GLB1: variants seen among roughly 807,000 people sequenced by gnomAD.
GLB1 encodes galactosidase beta 1.
GLB1 carries 56 observed loss-of-function variants against 74.0 expected under a neutral mutation model. The ratio of observed to expected loss-of-function variants is 0.76; its 90% CI spans 0.61 to 0.94. The LOEUF (loss-of-function observed/expected upper bound fraction) is 0.94, where lower values mean the gene tolerates loss of function less well. Ranked by LOEUF, GLB1 falls within the 40% of genes least tolerant of loss-of-function variation. The pLI is 0.00. For missense variants in GLB1, 787 were observed against 845.5 expected (o/e 0.93, Z 0.86); for synonymous variants, 323 against 323.6 (o/e 1.00, Z 0.02).
the GLB1 span, among the ~76,000 whole-genome samples, chr3:32,975,355 G>C: frequency 6.6e-5 from 10 of 152,170 alleles, no homozygotes; most frequent in African/African-American, 2.4e-4. Flanking sequence ...AAAGTGCTGG[G>C]ATTACAGGGG....
intron 15 of GLB1, among the ~76,000 whole-genome samples, chr3:33,001,767 G>A (rs1024717335): frequency 3.9e-5 from 6 of 152,252 alleles, no homozygotes; most frequent in East Asian, 1.9e-4. Context: ...GAAAAGATTC[G>A]TTGAAGAGGT....
At position 33,018,486 on chromosome 3, in the gene GLB1, T is replaced by A; in HGVS notation, c.1309A>T (p.Asn437Tyr). 1.2e-6 allele frequency: 2 copies of A among 1,613,940 alleles called. No individual in the cohort carries two copies. Among genetic ancestry groups the A allele is most frequent in the South Asian group, 1.1e-5 (1 of 91,076 alleles). Reference protein sequence around the residue: ...SNPAPLSSPLNGVHDRAYVAV... With the variant: ...SNPAPLSSPLYGVHDRAYVAV... ...ACATATGCTCGATCGTGGACTCCAT[T>A]GAGGGGTGAAGAGAGAGGTGCTGGG... is the stretch of plus-strand genomic sequence containing the variant. The change falls in exon 13 of 16, where the codon AAT (asparagine) becomes TAT (tyrosine). Residue 437 changes from asparagine (N) to tyrosine (Y), a missense_variant. Coordinates refer to ENST00000307363, the MANE Select transcript of GLB1 (RefSeq NM_000404.4).
chr3:33,083,128 T>C (rs1700380430), intron 1 of GLB1, among the ~76,000 whole-genome samples: 1 of 152,118 alleles, frequency 6.6e-6, no homozygotes, highest in Non-Finnish European at 1.5e-5. Flanking sequence ...CCAGGTACAG[T>C]GGCTCACGCC....
intron 15 of GLB1, among the ~76,000 whole-genome samples, chr3:33,002,985 G>T (rs1459473147): frequency 3.9e-5 from 6 of 152,176 alleles, no homozygotes; most frequent in Admixed American, 3.9e-4. Flanking sequence ...CTCTTACAAG[G>T]CTTGCTTAGA....
the GLB1 span, among the ~76,000 whole-genome samples, chr3:32,990,977 A>T: frequency 1.3e-5 from 2 of 151,934 alleles, no homozygotes; most frequent in African/African-American, 4.8e-5. Context: ...CTGTCTAAAA[A>T]TAATAATAAT....
At chr3:33,071,310 T>C (rs967059398) in intron 2 of GLB1, among the ~76,000 whole-genome samples, 1 of 152,240 alleles carries the variant, frequency 6.6e-6, no homozygotes, top group Non-Finnish European at 1.5e-5. Flanking sequence ...TCTCCCTAAG[T>C]ATCTATCTTC....
Position 33,068,251 on chromosome 3 carries a change from G to C in GLB1, c.436C>G (p.Leu146Val). The C allele has an allele frequency of 1.2e-6, 2 of 1,614,020 alleles. No homozygotes were observed. The highest frequency in any genetic ancestry group is 8.5e-7 in the Non-Finnish European group (1 of 1,179,950). ...PAWLLEKESI[L>V]LRSSDPDYLA... Reference sequence around the variant, plus strand: ...CTACCTGGGTCGGAGGAGCGGAGAAGAATAGACTCTTTCTCTAGCAGCCAA... The same window carrying C: ...CTACCTGGGTCGGAGGAGCGGAGAACAATAGACTCTTTCTCTAGCAGCCAA... Residue 146 changes from leucine to valine, a missense_variant, in exon 4 of 16, where the codon CTT (leucine) becomes GTT (valine). Leu to Val is a conservative substitution (Grantham distance 32, BLOSUM62 1). Transcript: ENST00000307363.
At chr3:33,047,046 T>C (rs1179561955) in intron 9 of GLB1, among the ~76,000 whole-genome samples, 3 of 152,170 alleles carry the variant, frequency 2.0e-5, no homozygotes, top group African/African-American at 4.8e-5. Flanking sequence ...CCCTCTAAGA[T>C]TGGATGAGGC....
chr3:33,043,060 A>T (rs905661863), intron 10 of GLB1, among the ~76,000 whole-genome samples: 1 of 152,256 alleles, frequency 6.6e-6, no homozygotes, highest in Non-Finnish European at 1.5e-5. Context: ...GAGAATTAAA[A>T]TACATGACAA....
At chr3:32,962,194 A>AG in the GLB1 span, among the ~76,000 whole-genome samples, 1 of 3,216 alleles carries the variant, frequency 3.1e-4, no homozygotes, top group Non-Finnish European at 4.8e-4. Flanking sequence ...ACTACATATT[A>AG]AAAAAAAAAG....
Position 33,068,921 on chromosome 3 carries a change from A to G in GLB1, c.295T>C (p.Ser99Pro). The G allele has an allele frequency of 6.2e-7, 1 of 1,614,178 alleles. No individual in the cohort carries two copies. ...HEPWPGQYQFSEDHDVEYFLR... is the reference protein window; with the variant it reads ...HEPWPGQYQFPEDHDVEYFLR... ...AAATATTCCACATCATGGTCCTCAG[A>G]AAACTGGTACTGTCCTGGCCAGGGC... is the stretch of plus-strand genomic sequence containing the variant. Residue 99 changes from serine to proline, a missense_variant, in exon 3 of 16, where the codon TCT becomes CCT. Coordinates refer to ENST00000307363, the MANE Select transcript of GLB1 (RefSeq NM_000404.4).
chr3:33,039,462 T>C (rs1230706258), intron 10 of GLB1, among the ~76,000 whole-genome samples: 2 of 152,176 alleles, frequency 1.3e-5, no homozygotes, highest in Non-Finnish European at 2.9e-5. Context: ...ATGGAAGCTC[T>C]AGAACTGACA....
chr3:33,081,720 C>T (rs1700329984), intron 1 of GLB1, among the ~76,000 whole-genome samples: 1 of 152,244 alleles, frequency 6.6e-6, no homozygotes, highest in African/African-American at 2.4e-5. Context: ...GGCACAATTA[C>T]CACAACAACC....
intron 1 of GLB1, among the ~76,000 whole-genome samples, chr3:33,078,170 G>A (rs1044194034): frequency 2.6e-5 from 4 of 152,198 alleles, no homozygotes; most frequent in Admixed American, 6.5e-5. Flanking sequence ...CTCGAGCCCA[G>A]GAGGTCAAGG....
chr3:33,020,941 G>A (rs1330972160), intron 12 of GLB1, among the ~76,000 whole-genome samples: 1 of 152,132 alleles, frequency 6.6e-6, no homozygotes, highest in Admixed American at 6.5e-5. Flanking sequence ...AACAATTGGT[G>A]AATCTAGGTA....
intron 8 of GLB1, 23 bp from the exon 9 acceptor site, chr3:33,051,821 G>C (rs768024551): frequency 6.2e-7 from 1 of 1,614,090 alleles, no homozygotes; most frequent in African/African-American, 1.3e-5. Context: ...AAAAGAACAC[G>C]GTACTTCACT....
chr3:33,017,681 T>C (rs572687194), intron 13 of GLB1, among the ~76,000 whole-genome samples: 15 of 152,344 alleles, frequency 9.8e-5, no homozygotes, highest in African/African-American at 3.6e-4. Flanking sequence ...ATTTCAGTAA[T>C]AGTTGTCACG....
At chr3:33,077,276 C>T in intron 1 of GLB1, 2 of 1,572,536 alleles carry the variant, frequency 1.3e-6, no homozygotes, top group Non-Finnish European at 8.6e-7. Flanking sequence ...GGTGGCAGGG[C>T]AGGAGGGTTC....
At chr3:33,089,774 C>T (rs1012357432) in intron 1 of GLB1, among the ~76,000 whole-genome samples, 2 of 152,102 alleles carry the variant, frequency 1.3e-5, no homozygotes, top group African/African-American at 4.8e-5. Context: ...AGCCTTGTTG[C>T]TCAATGGGTA....
Sources: gnomAD v4.1 joint callset for allele counts (sites outside exome capture counted in the v4.1 genomes callset) on GRCh38, gnomAD v4.1.1 for gene constraint, MANE v1.5 for transcripts, NCBI Gene and HGNC (gene_info 2026-07-23, HGNC 2026-07-21) for gene names.